Variants in TM9SF3 observed in about 807,000 individuals in gnomAD.
TM9SF3 encodes the protein transmembrane 9 superfamily member 3, also known as SM-11044-binding protein.
Under a neutral mutation model 78.6 loss-of-function variants are expected in TM9SF3, and 14 were observed. The observed-to-expected ratio is 0.18, with a 90% CI of 0.12 to 0.28. The LOEUF is 0.28. Among genes scored for constraint, TM9SF3 ranks in the 10% least tolerant of loss-of-function variants. The probability of loss-of-function intolerance (pLI) is 1.00; values close to 1 mark genes in which losing one functional copy is unlikely to be tolerated. For synonymous variants in TM9SF3, 231 were observed against 241.7 expected (o/e 0.96, Z 0.41); for missense variants, 496 against 721.9 (o/e 0.69, Z 3.59).
chr10:96,535,753 G>A (rs1847950586), intron 9 of TM9SF3, among the ~76,000 whole-genome samples: 1 of 152,144 alleles, frequency 6.6e-6, no homozygotes, highest in Non-Finnish European at 1.5e-5. Flanking sequence ...TAACAAGTTA[G>A]AATCAAGTAC....
rs1247954346 is a variant in TM9SF3 at position 96,527,501 on chromosome 10, T to C, written c.1542-5A>G. The C allele has an allele frequency of 4.9e-5, 79 of 1,603,448 alleles. No individual in the cohort carries two copies. The highest frequency in any genetic ancestry group is 3.4e-6 in the Non-Finnish European group (4 of 1,173,364). On this transcript the variant is annotated splice_region_variant and splice_polypyrimidine_tract_variant and intron_variant, in intron 12 of 14. Coordinates refer to ENST00000371142, the MANE Select transcript of TM9SF3 (RefSeq NM_020123.4). ...GAGAGAAAACTTGTCCATTGCCTGGTGGGGGGAGGGGGAAAGAAGATAAAT... is the reference window on the plus strand; with the variant it reads ...GAGAGAAAACTTGTCCATTGCCTGGCGGGGGGAGGGGGAAAGAAGATAAAT...
chr10:96,524,554 G>A (rs1847817406), intron 14 of TM9SF3, among the ~76,000 whole-genome samples: 1 of 151,760 alleles, frequency 6.6e-6, no homozygotes, highest in South Asian at 2.1e-4. Context: ...CTAATCTTAT[G>A]AGTACCTCAA....
intron 14 of TM9SF3, 57 bp from the exon 15 acceptor site, chr10:96,522,387 T>C (rs1847787650): frequency 7.4e-7 from 1 of 1,344,812 alleles, no homozygotes; most frequent in Non-Finnish European, 1.0e-6. Context: ...GTATCCATCA[T>C]TTAAAAACAC....
chr10:96,572,126 G>A (rs1242951050), intron 2 of TM9SF3, among the ~76,000 whole-genome samples: 2 of 152,070 alleles, frequency 1.3e-5, no homozygotes, highest in Non-Finnish European at 2.9e-5. Flanking sequence ...TTTCATAATC[G>A]TAAATACAAA....
At chr10:96,535,037 A>T (rs1847940241) in intron 9 of TM9SF3, among the ~76,000 whole-genome samples, 1 of 152,240 alleles carries the variant, frequency 6.6e-6, no homozygotes. Flanking sequence ...GTACTACTAC[A>T]GCACAATGTG....
intron 9 of TM9SF3, among the ~76,000 whole-genome samples, chr10:96,540,545 C>T (rs1463931005): frequency 1.3e-5 from 2 of 151,766 alleles, no homozygotes; most frequent in Non-Finnish European, 2.9e-5. Flanking sequence ...AATCTTTCCT[C>T]TTACTTTTTT....
intron 6 of TM9SF3, among the ~76,000 whole-genome samples, chr10:96,551,819 C>T (rs761471299): frequency 2.6e-5 from 4 of 152,146 alleles, no homozygotes; most frequent in Non-Finnish European, 5.9e-5. Flanking sequence ...AAAACCAGTA[C>T]TAGATCCCCT....
intron 3 of TM9SF3, among the ~76,000 whole-genome samples, chr10:96,563,322 T>C (rs577240162): frequency 1.3e-4 from 20 of 152,302 alleles, no homozygotes; most frequent in African/African-American, 4.8e-4. Flanking sequence ...CTTCTCAAAG[T>C]GCTGTATTAC....
intron 11 of TM9SF3, among the ~76,000 whole-genome samples, chr10:96,529,164 T>A (rs749344021): frequency 6.6e-6 from 1 of 152,050 alleles, no homozygotes; most frequent in Non-Finnish European, 1.5e-5. Flanking sequence ...CTAAAGAAGT[T>A]CCTGAACTGA....
Position 96,522,186 on chromosome 10 carries a change from GTT to G in TM9SF3, c.*75_*76del. On this transcript the variant is annotated 3_prime_UTR_variant, in exon 15 of 15. Coordinates refer to ENST00000371142, the MANE Select transcript of TM9SF3 (RefSeq NM_020123.4). The stretch of plus-strand genomic sequence containing the variant: ...TGTTAAAGCCCAAATCTCTTCTTGC[GTT>G]TGTTTGTTTTTGCTGTGCAAGTTCC... The G allele has an allele frequency of 7.9e-7, 1 of 1,264,560 alleles. No homozygotes were observed. Among genetic ancestry groups the G allele is most frequent in the South Asian group, 1.4e-5 (1 of 74,036 alleles). The allele number at this position is 1,264,560 out of a possible 1,614,324, so 78.3% of individuals were successfully genotyped here.
At chr10:96,530,925 A>G (rs1020333838) in intron 10 of TM9SF3, among the ~76,000 whole-genome samples, 3 of 152,224 alleles carry the variant, frequency 2.0e-5, no homozygotes, top group Admixed American at 1.3e-4. Flanking sequence ...ATAACTTCTT[A>G]GAACTCTACA....
intron 4 of TM9SF3, chr10:96,560,316 A>C: frequency 1.3e-6 from 1 of 747,632 alleles, no homozygotes; most frequent in Non-Finnish European, 2.4e-6. Flanking sequence ...AATTATCTTT[A>C]AGAACGGTCA....
intron 9 of TM9SF3, among the ~76,000 whole-genome samples, chr10:96,537,095 G>A (rs1589448951): frequency 1.3e-5 from 2 of 152,170 alleles, no homozygotes; most frequent in East Asian, 3.8e-4. Context: ...CGTAGTTAAG[G>A]TTTTGGGGAG....
intron 5 of TM9SF3, among the ~76,000 whole-genome samples, chr10:96,558,949 A>T (rs192874657): frequency 6.6e-6 from 1 of 152,284 alleles, no homozygotes; most frequent in East Asian, 1.9e-4. Flanking sequence ...AACCACCAAA[A>T]CAAAGTGTGA....
chr10:96,520,526 T>A lies in TM9SF3; in HGVS notation c.*1737A>T, dbSNP rs1404857699. 4.9e-6 allele frequency: 1 copy of A among 205,296 alleles called. No homozygotes were observed. The highest frequency in any genetic ancestry group is 2.3e-5 in the African/African-American group (1 of 43,548). 12.7% of individuals were successfully genotyped at this position (205,296 alleles called of 1,614,324 possible). A position where few individuals can be genotyped will look rare whatever the true frequency, so the allele number is the denominator to read the frequency against. ...CATGATTTTCATATTAAGGTTTAAA[T>A]ACAGGTGTTTTGAGTCTTTCTAAAA... On this transcript the variant is annotated 3_prime_UTR_variant, in exon 15 of 15. Coordinates refer to ENST00000371142, the MANE Select transcript of TM9SF3 (RefSeq NM_020123.4).
chr10:96,530,025 A>AGAT (rs1291018268), intron 11 of TM9SF3, among the ~76,000 whole-genome samples: 1 of 152,348 alleles, frequency 6.6e-6, no homozygotes, highest in East Asian at 1.9e-4. Context: ...CAAAGGATGC[A>AGAT]GATGTAAAGC....
intron 14 of TM9SF3, among the ~76,000 whole-genome samples, chr10:96,524,785 C>A (rs1847820023): frequency 6.6e-6 from 1 of 151,738 alleles, no homozygotes; most frequent in South Asian, 2.1e-4. Flanking sequence ...ATTTTAGCAA[C>A]ATAAATTGAT....
chr10:96,543,925 A>T, intron 9 of TM9SF3, 151 bp downstream of exon 9: 1 of 667,182 alleles, frequency 1.5e-6, no homozygotes, highest in Non-Finnish European at 2.2e-6. Context: ...GGCTAACAAC[A>T]GTAGTATTCT....
chr10:96,569,347 A>G (rs1848413618), intron 2 of TM9SF3, among the ~76,000 whole-genome samples: 2 of 152,218 alleles, frequency 1.3e-5, no homozygotes, highest in Non-Finnish European at 2.9e-5. Context: ...AAGACCCCAG[A>G]AGCCAGAGCT....
Sources: allele counts gnomAD v4.1 joint callset (sites outside exome capture counted in the v4.1 genomes callset), GRCh38; gene constraint gnomAD v4.1.1; transcripts MANE v1.5; gene names NCBI Gene and HGNC (gene_info 2026-07-23, HGNC 2026-07-21).